MORN5: variants seen among roughly 807,000 people sequenced by gnomAD.
MORN5 encodes MORN repeat-containing protein 5.
A neutral mutation model predicts 22.1 loss-of-function variants in MORN5; 21 were observed. That is an observed-to-expected ratio of 0.95 (90% CI 0.67 to 1.37). The LOEUF is 1.37. Ranked by LOEUF, MORN5 falls within the 40% of genes most tolerant of loss-of-function variation. The probability of loss-of-function intolerance (pLI) is 0.00; values close to 1 mark genes in which losing one functional copy is unlikely to be tolerated. For synonymous variants in MORN5, 73 were observed against 74.0 expected (o/e 0.99, Z 0.07); for missense variants, 211 against 215.1 (o/e 0.98, Z 0.12).
At chr9:122,182,952 C>T (rs976624167) in intron 4 of MORN5, among the ~76,000 whole-genome samples, 1 of 152,178 alleles carries the variant, frequency 6.6e-6, no homozygotes, top group African/African-American at 2.4e-5. Context: ...TTCTTGCCAG[C>T]GTCATGGTTC....
chr9:122,192,763 A>G (rs58581219), intron 4 of MORN5, among the ~76,000 whole-genome samples: 16,980 of 152,210 alleles, frequency 0.11, 1,762 homozygotes, highest in African/African-American at 0.28. Flanking sequence ...ATTGCCCCAA[A>G]TCACAAAAGG....
chr9:122,174,533 A>C lies in MORN5; in HGVS notation c.345A>C (p.Lys115Asn). The change falls in exon 4 of 5, where the codon AAA (lysine) becomes AAC (asparagine). Residue 115 changes from lysine to asparagine, a missense_variant. Physicochemically the swap from Lys to Asn is moderately conservative, Grantham distance 94 (BLOSUM62 0). Coordinates refer to ENST00000373764, the MANE Select transcript of MORN5 (RefSeq NM_198469.4). ...AQLTNMDPPR[K>N]IPKGYYDCGD... is the part of the protein sequence containing the mutation. ...TCACCAATATGGACCCACCTAGAAA[A>C]ATCCCCAAGGGCTATTACGATTGTG... 1 of 1,614,100 alleles carries C rather than the reference A, an allele frequency of 6.2e-7. No individual in the cohort carries two copies. The highest frequency in any genetic ancestry group is 1.6e-4 in the Middle Eastern group (1 of 6,062).
intron 4 of MORN5, among the ~76,000 whole-genome samples, chr9:122,180,597 A>G (rs771937741): frequency 3.4e-4 from 52 of 151,900 alleles, no homozygotes; most frequent in Non-Finnish European, 8.8e-5. Context: ...GATATTTTCT[A>G]TCCTATTTAT....
At chr9:122,194,751 G>A (rs1359275924) in intron 4 of MORN5, among the ~76,000 whole-genome samples, 1 of 152,142 alleles carries the variant, frequency 6.6e-6, no homozygotes, top group Non-Finnish European at 1.5e-5. Context: ...CGGGCACGGT[G>A]GACCACACCT....
At chr9:122,169,360 A>G (rs1311541244) in intron 2 of MORN5, among the ~76,000 whole-genome samples, 1 of 152,192 alleles carries the variant, frequency 6.6e-6, no homozygotes, top group African/African-American at 2.4e-5. Context: ...TATTTTATGT[A>G]CACTATCATT....
chr9:122,175,574 G>C, intron 4 of MORN5: 1 of 984,748 alleles, frequency 1.0e-6, no homozygotes, highest in East Asian at 1.1e-4. Flanking sequence ...AATGTCCAAT[G>C]CATGCACACA....
At chr9:122,160,525 GT>G (rs201106696) in intron 1 of MORN5, among the ~76,000 whole-genome samples, 5 of 151,086 alleles carry the variant, frequency 3.3e-5, no homozygotes, top group Admixed American at 6.6e-5. Flanking sequence ...CAATTCAACA[GT>G]TTTTTTTTCT....
chr9:122,193,012 G>A (rs1372814087), intron 4 of MORN5, among the ~76,000 whole-genome samples: 1 of 123,858 alleles, frequency 8.1e-6, no homozygotes, highest in Non-Finnish European at 1.8e-5. Context: ...AAATGGTACA[G>A]GCTGGAGGGG....
intron 1 of MORN5, 60 bp downstream of exon 1, chr9:122,160,079 G>T: frequency 6.7e-7 from 1 of 1,495,876 alleles, no homozygotes; most frequent in Non-Finnish European, 9.1e-7. Context: ...GAAAAAGACG[G>T]CTTTTTGCTT....
intron 4 of MORN5, among the ~76,000 whole-genome samples, chr9:122,198,003 G>A (rs1028800334): frequency 2.0e-5 from 3 of 152,192 alleles, no homozygotes; most frequent in Non-Finnish European, 2.9e-5. Flanking sequence ...AGAAATGGTG[G>A]GCAGGTGGTT....
At chr9:122,195,383 C>T (rs898262421) in intron 4 of MORN5, among the ~76,000 whole-genome samples, 1 of 152,160 alleles carries the variant, frequency 6.6e-6, no homozygotes, top group Non-Finnish European at 1.5e-5. Context: ...TTTACAGATG[C>T]CTTTTCCTAA....
At chr9:122,194,125 C>T (rs1315988270) in intron 4 of MORN5, among the ~76,000 whole-genome samples, 1 of 152,212 alleles carries the variant, frequency 6.6e-6, no homozygotes, top group Non-Finnish European at 1.5e-5. Context: ...ATAAAGACAT[C>T]TTTCGGCCCC....
chr9:122,192,399 T>A (rs762107234), intron 4 of MORN5, among the ~76,000 whole-genome samples: 1 of 152,180 alleles, frequency 6.6e-6, no homozygotes, highest in Non-Finnish European at 1.5e-5. Flanking sequence ...TCGCTCAAGG[T>A]CTGTGGGCTA....
In MORN5 at chr9:122,197,918, A is replaced by G. The variant is rs1444581869; in HGVS notation, c.440-1967A>G. Among the ~76,000 whole-genome samples, 1 of 152,166 alleles carries G rather than the reference A, an allele frequency of 6.6e-6. No homozygotes were observed. Among genetic ancestry groups the G allele is most frequent in the African/African-American group, 2.4e-5 (1 of 41,452 alleles). The stretch of plus-strand genomic sequence containing the variant: ...GCAGGGACTCCCAGGCAGCCTCCCC[A>G]GAGGAAACTGAGGCTCACTGGCTGC... On this transcript the variant is annotated intron_variant, in intron 4 of 4. Transcript: ENST00000373764. The surrounding 1 kb of genome is among the most constrained non-coding windows in gnomAD (Gnocchi z 5.7).
intron 4 of MORN5, among the ~76,000 whole-genome samples, chr9:122,182,737 C>G (rs528991690): frequency 3.3e-5 from 5 of 152,308 alleles, no homozygotes; most frequent in African/African-American, 9.6e-5. Context: ...GATGACAGAG[C>G]AAGACTCAGT....
chr9:122,199,071 T>G (rs1485116555), intron 4 of MORN5, among the ~76,000 whole-genome samples: 1 of 151,940 alleles, frequency 6.6e-6, no homozygotes, highest in Non-Finnish European at 1.5e-5. Flanking sequence ...ATAAAGTAAA[T>G]CCACGGAGGG....
intron 2 of MORN5, among the ~76,000 whole-genome samples, chr9:122,167,649 TC>T (rs1442008238): frequency 9.2e-5 from 14 of 152,144 alleles, no homozygotes. Context: ...GCCCACGACT[TC>T]ACCTCCCTGA....
chr9:122,165,313 T>C (rs893930565), intron 1 of MORN5, among the ~76,000 whole-genome samples: 5 of 149,288 alleles, frequency 3.3e-5, no homozygotes, highest in African/African-American at 1.2e-4. Flanking sequence ...AATCCCAACA[T>C]TTTGGGAGGC....
rs778513439 is a variant in MORN5, at chr9:122,159,938, C to T, written c.-35C>T. ...AGTGATGCCGTATCCACTGAGACTC[C>T]GGATCCTAACAGCTGGAAGCTAAAA... On this transcript the variant is annotated 5_prime_UTR_variant, in exon 1 of 5. Coordinates refer to ENST00000373764, the MANE Select transcript of MORN5 (RefSeq NM_198469.4). 2.5e-5 allele frequency: 40 copies of T among 1,609,438 alleles called. No individual in the cohort carries two copies. Among genetic ancestry groups the T allele is most frequent in the Non-Finnish European group, 3.3e-5 (39 of 1,175,736 alleles).
Sources: gnomAD v4.1 joint callset for allele counts (sites outside exome capture counted in the v4.1 genomes callset) on GRCh38, gnomAD v4.1.1 for gene constraint, Gnocchi (gnomAD v3.1) non-coding constraint, MANE v1.5 for transcripts, NCBI Gene and HGNC (gene_info 2026-07-23, HGNC 2026-07-21) for gene names.